Variants in FREM1 observed in about 807,000 individuals in gnomAD.
FREM1 encodes FRAS1-related extracellular matrix protein 1.
A neutral mutation model predicts 210.1 loss-of-function variants in FREM1; 220 were observed. The ratio of observed to expected loss-of-function variants is 1.05; its 90% confidence interval spans 0.94 to 1.17. The LOEUF (loss-of-function observed/expected upper bound fraction) is 1.17, where lower values mean the gene tolerates loss of function less well. Ranked by LOEUF, FREM1 falls within the 50% of genes most tolerant of loss-of-function variation. The probability of loss-of-function intolerance (pLI) is 0.00; values close to 1 mark genes in which losing one functional copy is unlikely to be tolerated. For synonymous variants in FREM1, 1,189 were observed against 980.2 expected, an observed-to-expected ratio of 1.21 and a Z score of -3.98; for missense variants, 3,454 against 2,675.5, an observed-to-expected ratio of 1.29 and a Z score of -6.42.
In FREM1 at chr9:14,859,264, C is replaced by T. The variant is rs199682518; in HGVS notation, c.550G>A (p.Ala184Thr). The T allele has an allele frequency of 2.1e-4, 333 of 1,613,588 alleles. No homozygotes were observed. The highest frequency in any genetic ancestry group is 1.6e-4 in the Middle Eastern group (1 of 6,084). Residue 184 changes from alanine (A) to threonine (T), a missense_variant, in exon 4 of 37, where the codon GCC becomes ACC. Ala to Thr is a moderately conservative substitution (Grantham distance 58). Transcript: ENST00000380880. ...TCCCCGAGAACCATCTGGCCATGGG[C>T]TGGCAGCCGAGTTCTCGCAGTGTCC... is the stretch of plus-strand genomic sequence containing the variant. ...SLDTARTRLP[A>T]HGQMVLGEPR...
chr9:14,746,298 A>T, intron 35 of FREM1, 55 bp downstream of exon 35: 1 of 1,256,538 alleles, frequency 8.0e-7, no homozygotes, highest in Non-Finnish European at 1.2e-6. Context: ...TCCATGAGCA[A>T]ATAGAGAAAT....
chr9:14,783,430 T>C (rs886649422), intron 24 of FREM1, among the ~76,000 whole-genome samples: 2 of 152,154 alleles, frequency 1.3e-5, no homozygotes, highest in East Asian at 1.9e-4. Context: ...GTGGTGAAAA[T>C]TGCACCAGGA....
At chr9:14,812,512 T>A (rs1819585087) in intron 16 of FREM1, among the ~76,000 whole-genome samples, 2 of 152,108 alleles carry the variant, frequency 1.3e-5, no homozygotes, top group African/African-American at 2.4e-5. Flanking sequence ...ACTACGATGA[T>A]CAAACTGACC....
intron 21 of FREM1, among the ~76,000 whole-genome samples, chr9:14,796,384 C>T (rs1442517018): frequency 6.6e-6 from 1 of 152,124 alleles, no homozygotes; most frequent in East Asian, 1.9e-4. Flanking sequence ...AGAGTTGGTC[C>T]CCTAAAACTC....
intron 1 of FREM1, among the ~76,000 whole-genome samples, chr9:14,875,633 G>A (rs1198906081): frequency 6.6e-6 from 1 of 152,224 alleles, no homozygotes; most frequent in South Asian, 2.1e-4. Context: ...TCCTCCTGTA[G>A]CTCTAAGTAG....
At chr9:14,763,608 C>G (rs919924652) in intron 27 of FREM1, among the ~76,000 whole-genome samples, 3 of 152,204 alleles carry the variant, frequency 2.0e-5, no homozygotes, top group Admixed American at 2.0e-4. Flanking sequence ...TGGATTTGAA[C>G]TTGTGAGGCT....
intron 24 of FREM1, among the ~76,000 whole-genome samples, chr9:14,781,678 T>A (rs1215502095): frequency 6.6e-6 from 1 of 152,136 alleles, no homozygotes; most frequent in African/African-American, 2.4e-5. Context: ...AGAATCTCAA[T>A]CTCTGGGAGG....
At chr9:14,830,362 G>A (rs59060770) in intron 10 of FREM1, among the ~76,000 whole-genome samples, 1 of 152,120 alleles carries the variant, frequency 6.6e-6, no homozygotes, top group Admixed American at 6.5e-5. Flanking sequence ...ACGGGGGAAG[G>A]CAGCAAGCAA....
chr9:14,754,664 T>C (rs892591108), intron 29 of FREM1, among the ~76,000 whole-genome samples: 10 of 152,244 alleles, frequency 6.6e-5, no homozygotes, highest in Admixed American at 3.9e-4. Context: ...CTGGGCACAG[T>C]GACTCATGCC....
chr9:14,874,316 G>A (rs1833283489), intron 1 of FREM1, among the ~76,000 whole-genome samples: 2 of 151,200 alleles, frequency 1.3e-5, no homozygotes, highest in East Asian at 1.9e-4. Context: ...CTCTTTGTAG[G>A]TCACTCAGGA....
At chr9:14,829,650 T>G (rs1004290101) in intron 10 of FREM1, among the ~76,000 whole-genome samples, 2 of 152,202 alleles carry the variant, frequency 1.3e-5, no homozygotes, top group East Asian at 3.9e-4. Flanking sequence ...TCACAAGATG[T>G]AGTTCATTGA....
At chr9:14,853,735 T>C (rs1387815571) in intron 5 of FREM1, among the ~76,000 whole-genome samples, 1 of 152,160 alleles carries the variant, frequency 6.6e-6, no homozygotes, top group Non-Finnish European at 1.5e-5. Context: ...ACTGCATGGT[T>C]GATGAAGGCA....
chr9:14,872,022 T>C (rs184362113), intron 1 of FREM1, among the ~76,000 whole-genome samples: 3 of 152,200 alleles, frequency 2.0e-5, no homozygotes, highest in Admixed American at 2.0e-4. Flanking sequence ...GTTCCATTGA[T>C]CTATATCTCT....
intron 28 of FREM1, 32 bp from the exon 29 acceptor site, chr9:14,756,478 A>G (rs1402204515): frequency 6.9e-7 from 1 of 1,458,350 alleles, no homozygotes. Flanking sequence ...TTTTTAAGAT[A>G]AAAATAAATA....
intron 1 of FREM1, among the ~76,000 whole-genome samples, chr9:14,899,030 A>C (rs1838290613): frequency 6.6e-6 from 1 of 152,204 alleles, no homozygotes; most frequent in Non-Finnish European, 1.5e-5. Flanking sequence ...GTTCAGGCTG[A>C]ATTGACTCTC....
At chr9:14,910,578 CACAT>C (rs1818551578), upstream of FREM1, 1 of 153,352 alleles carries the variant, frequency 6.5e-6, no homozygotes, top group Non-Finnish European at 1.5e-5. Context: ...CACACAGGCA[CACAT>C]ACAAACACGA....
Position 14,748,492 on chromosome 9 carries a change from T to C in FREM1, c.5705A>G (p.Gln1902Arg). ...LERRPLPSSM[Q>R]LAVIRGDTLR... Reference sequence around the variant, plus strand: ...GGTGTCTCCCCTGATGACTGCTAGCTGCATGGAAGATGGAAGAGGTCTTCT... The same window carrying C: ...GGTGTCTCCCCTGATGACTGCTAGCCGCATGGAAGATGGAAGAGGTCTTCT... Residue 1902 changes from glutamine to arginine, a missense_variant, in exon 31 of 37, where the codon CAG becomes CGG. Gln to Arg is a conservative substitution (Grantham distance 43). Transcript: ENST00000380880. The C allele has an allele frequency of 6.2e-7, 1 of 1,613,398 alleles. No individual in the cohort carries two copies. The highest frequency in any genetic ancestry group is 8.5e-7 in the Non-Finnish European group (1 of 1,179,346).
intron 27 of FREM1, among the ~76,000 whole-genome samples, chr9:14,760,740 T>A (rs1845339026): frequency 6.6e-6 from 1 of 152,172 alleles, no homozygotes; most frequent in African/African-American, 2.4e-5. Flanking sequence ...AAATCTTCCA[T>A]CCAACCTCTA....
At chr9:14,778,966 G>A (rs952007746) in intron 24 of FREM1, among the ~76,000 whole-genome samples, 30 of 152,114 alleles carry the variant, frequency 2.0e-4, no homozygotes, top group Non-Finnish European at 3.4e-4. Context: ...CACCTTCACA[G>A]TTTCAAAAGT....
Sources: allele counts gnomAD v4.1 joint callset (sites outside exome capture counted in the v4.1 genomes callset), GRCh38; gene constraint gnomAD v4.1.1; transcripts MANE v1.5; gene names NCBI Gene and HGNC (gene_info 2026-07-23, HGNC 2026-07-21).